CYP2B6: variants seen among roughly 807,000 people sequenced by gnomAD.
CYP2B6 encodes the protein cytochrome P450 family 2 subfamily B member 6.
Under a neutral mutation model 43.4 loss-of-function variants are expected in CYP2B6, and 35 were observed. The observed-to-expected ratio is 0.81, with a 90% CI of 0.62 to 1.07. The LOEUF (loss-of-function observed/expected upper bound fraction) is 1.07, where lower values mean the gene tolerates loss of function less well. Among genes scored for constraint, CYP2B6 ranks in the 50% least tolerant of loss-of-function variants. CYP2B6 has a pLI of 0.00. For missense variants in CYP2B6, 624 were observed against 632.8 expected, an observed-to-expected ratio of 0.99 and a Z score of 0.15; for synonymous variants, 239 against 239.2, an observed-to-expected ratio of 1.00 and a Z score of 0.01.
rs45482602 is a variant in CYP2B6 at position 41,009,350 on chromosome 19, C to T, written c.777C>T (p.Ser259=). Residue 259 remains serine (S), a synonymous_variant, in exon 5 of 9, where the codon AGC becomes AGT. Coordinates refer to ENST00000324071, the MANE Select transcript of CYP2B6 (RefSeq NM_000767.5). ...AGCACCGTGAAACCCTGGACCCCAG[C>T]GCCCCCAAGGACCTCATCGACACCT... ...VEKHRETLDP[S]APKDLIDTYL... The T allele has an allele frequency of 2.4e-4, 386 of 1,580,934 alleles. 1 individual carries two copies. In the African/African-American group the frequency reaches 4.3e-3, roughly 18 times the overall value.
intron 1 of CYP2B6, among the ~76,000 whole-genome samples, chr19:41,002,456 C>A (rs1008962481): frequency 2.6e-5 from 4 of 152,100 alleles, no homozygotes; most frequent in Non-Finnish European, 4.4e-5. Flanking sequence ...CAAGAATGCC[C>A]CGAAACCCTG....
chr19:41,004,542 A>G, intron 3 of CYP2B6, 96 bp downstream of exon 3: 1 of 1,374,194 alleles, frequency 7.3e-7, no homozygotes, highest in Non-Finnish European at 1.0e-6. Flanking sequence ...ATAAGGGCAC[A>G]GACAGAGACA....
intron 6 of CYP2B6, among the ~76,000 whole-genome samples, chr19:41,010,401 G>GT (rs1969263280): frequency 6.9e-6 from 1 of 145,830 alleles, no homozygotes; most frequent in Non-Finnish European, 1.5e-5. Context: ...TTTGTTTTTT[G>GT]TTTTTTGGTT....
intron 1 of CYP2B6, among the ~76,000 whole-genome samples, chr19:40,992,511 G>A (rs1253783511): frequency 3.9e-5 from 6 of 152,008 alleles, no homozygotes; most frequent in Non-Finnish European, 8.8e-5. Flanking sequence ...GGCTGCATAT[G>A]AGCATTTAAG....
intron 6 of CYP2B6, among the ~76,000 whole-genome samples, chr19:41,012,076 G>A (rs927616571): frequency 2.0e-5 from 3 of 152,080 alleles, no homozygotes; most frequent in Non-Finnish European, 4.4e-5. Context: ...AGCCTCCTGA[G>A]TAGCTAGGAA....
chr19:41,000,954 G>A (rs924962893), intron 1 of CYP2B6, among the ~76,000 whole-genome samples: 2 of 152,042 alleles, frequency 1.3e-5, no homozygotes, highest in South Asian at 4.1e-4. Flanking sequence ...CAGGAGAATT[G>A]CTTGAACCCA....
chr19:41,004,301 G>T lies in CYP2B6; in HGVS notation c.339G>T (p.Val113=). 6 of 1,613,878 alleles carry T rather than the reference G, an allele frequency of 3.7e-6. No individual in the cohort carries two copies. Among genetic ancestry groups the T allele is most frequent in the Non-Finnish European group, 5.1e-6 (6 of 1,180,006 alleles). The part of the protein sequence containing the change: ...MVDPFFRGYG[V]IFANGNRWKV... Reference sequence around the variant, plus strand: ...CACACCTCCCCTGCACCCCAGGTGTGATCTTTGCCAATGGAAACCGCTGGA... The same window carrying T: ...CACACCTCCCCTGCACCCCAGGTGTTATCTTTGCCAATGGAAACCGCTGGA... Residue 113 remains valine (V), a synonymous_variant, in exon 3 of 9, where the codon GTG becomes GTT. Transcript: ENST00000324071.
chr19:41,011,116 CTCAT>C (rs1174667380), intron 6 of CYP2B6, among the ~76,000 whole-genome samples: 1 of 152,286 alleles, frequency 6.6e-6, no homozygotes, highest in Non-Finnish European at 1.5e-5. Flanking sequence ...GATTCATTGG[CTCAT>C]TCATTCATTC....
intron 6 of CYP2B6, among the ~76,000 whole-genome samples, chr19:41,011,754 T>C (rs1969288046): frequency 6.6e-6 from 1 of 152,076 alleles, no homozygotes; most frequent in Non-Finnish European, 1.5e-5. Flanking sequence ...CATGTGTGTG[T>C]GTGTACCTGG....
At chr19:41,015,159 A>C (rs926043437) in intron 8 of CYP2B6, among the ~76,000 whole-genome samples, 6 of 152,218 alleles carry the variant, frequency 3.9e-5, no homozygotes, top group African/African-American at 1.4e-4. Context: ...TGCCAGGGGC[A>C]GAAAGAAAGG....
intron 8 of CYP2B6, among the ~76,000 whole-genome samples, chr19:41,013,891 T>A (rs571018402): frequency 1.2e-3 from 177 of 152,244 alleles, no homozygotes; most frequent in African/African-American, 3.8e-3. Context: ...ACTGAGGTAC[T>A]GAAACAGCCT....
chr19:41,009,955 T>C (rs1422926548), intron 5 of CYP2B6, 39 bp from the exon 6 acceptor site: 4 of 1,613,290 alleles, frequency 2.5e-6, no homozygotes, highest in Non-Finnish European at 3.4e-6. Context: ...GGCTACAGCC[T>C]CCCCTGACCC....
intron 8 of CYP2B6, among the ~76,000 whole-genome samples, chr19:41,015,762 C>A (rs189779493): frequency 1.3e-3 from 195 of 151,496 alleles, no homozygotes; most frequent in African/African-American, 4.6e-3. Context: ...CCTAGAGACA[C>A]AGACACAGAC....
Position 41,006,902 on chromosome 19 carries a change from T to A in CYP2B6, c.485-3T>A. On this transcript the variant is annotated splice_polypyrimidine_tract_variant and splice_region_variant and intron_variant, in intron 3 of 8. Transcript: ENST00000324071. ...GTGTCCTTGACCTGCTGCTTCTTCC[T>A]AGGGGCCCTCATGGACCCCACCTTC... 1 of 1,613,214 alleles carries A rather than the reference T, an allele frequency of 6.2e-7. No individual in the cohort carries two copies.
At chr19:40,992,099 G>T (rs1481084630) in intron 1 of CYP2B6, among the ~76,000 whole-genome samples, 3 of 151,446 alleles carry the variant, frequency 2.0e-5, no homozygotes, top group Admixed American at 1.3e-4. Context: ...CTACCCAGGA[G>T]GCTGAGGAAG....
intron 3 of CYP2B6, among the ~76,000 whole-genome samples, chr19:41,006,132 G>T (rs118057947): frequency 4.6e-5 from 7 of 152,128 alleles, no homozygotes; most frequent in Admixed American, 1.3e-4. Context: ...GGGAGTAATA[G>T]GTAGGGGTGG....
At chr19:40,997,924 A>G (rs1055092200) in intron 1 of CYP2B6, among the ~76,000 whole-genome samples, 52 of 151,938 alleles carry the variant, frequency 3.4e-4, no homozygotes, top group African/African-American at 1.2e-3. Flanking sequence ...ACCAAACAAG[A>G]CCTGGCTCTA....
At position 41,004,465 on chromosome 19, in the gene CYP2B6, A is replaced by G; in HGVS notation, c.484+19A>G. 1 of 1,612,570 alleles carries G rather than the reference A, an allele frequency of 6.2e-7. No homozygotes were observed. Among genetic ancestry groups the G allele is most frequent in the Non-Finnish European group, 8.5e-7 (1 of 1,179,442 alleles). Reference sequence around the variant, plus strand: ...TCCAAGGGTGAGTCCTGGGGGATGAATAGGAAAGAAAGACAATGAAACACT... The same window carrying G: ...TCCAAGGGTGAGTCCTGGGGGATGAGTAGGAAAGAAAGACAATGAAACACT... On this transcript the variant is annotated intron_variant, in intron 3 of 8. Coordinates refer to ENST00000324071, the MANE Select transcript of CYP2B6 (RefSeq NM_000767.5).
chr19:41,014,734 C>T (rs1183995750), intron 8 of CYP2B6, among the ~76,000 whole-genome samples: 5 of 150,416 alleles, frequency 3.3e-5, no homozygotes, highest in Admixed American at 3.3e-4. Context: ...AGATGGGGAG[C>T]CAGTGGCAGA....
Sources: allele counts gnomAD v4.1 joint callset (sites outside exome capture counted in the v4.1 genomes callset), GRCh38; gene constraint gnomAD v4.1.1; transcripts MANE v1.5; gene names NCBI Gene and HGNC (gene_info 2026-07-23, HGNC 2026-07-21).